ERGIC1: variants seen among roughly 807,000 people sequenced by gnomAD.
ERGIC1 encodes the protein endoplasmic reticulum-Golgi intermediate compartment protein 1.
A neutral mutation model predicts 38.3 loss-of-function variants in ERGIC1; 19 were observed. The observed-to-expected ratio is 0.50, with a 90% CI of 0.35 to 0.73. The LOEUF is 0.73. Ranked by LOEUF, ERGIC1 falls within the 30% of genes least tolerant of loss-of-function variation. The pLI is 0.01. For missense variants in ERGIC1, 294 were observed against 389.2 expected, an observed-to-expected ratio of 0.76 and a Z score of 2.06; for synonymous variants, 124 against 157.6, an observed-to-expected ratio of 0.79 and a Z score of 1.60.
chr5:172,908,953 C>G (rs1163538369), intron 3 of ERGIC1, among the ~76,000 whole-genome samples: 1 of 152,188 alleles, frequency 6.6e-6, no homozygotes, highest in Non-Finnish European at 1.5e-5. Flanking sequence ...GCGCCAGGCC[C>G]TGATCCCTTA....
rs754689688 is a variant in ERGIC1, at chr5:172,914,526, G to A, written c.251-188G>A. ...ACCCCTACTATGCACTGCCCCCCTC[G>A]CCTCACGTTTAGCGGAGTCATTGTC... On this transcript the variant is annotated intron_variant, in intron 4 of 9. Coordinates refer to ENST00000393784, the MANE Select transcript of ERGIC1 (RefSeq NM_001031711.3). 5.1e-5 allele frequency: 47 copies of A among 913,148 alleles called. No individual in the cohort carries two copies. In the South Asian group the frequency reaches 5.8e-4, roughly 11 times the overall value. 56.6% of individuals were successfully genotyped at this position (913,148 alleles called of 1,614,324 possible). A position where few individuals can be genotyped will look rare whatever the true frequency, so the allele number is the denominator to read the frequency against.
intron 3 of ERGIC1, among the ~76,000 whole-genome samples, chr5:172,907,426 C>T (rs1279527183): frequency 6.6e-6 from 1 of 152,088 alleles, no homozygotes; most frequent in African/African-American, 2.4e-5. Flanking sequence ...GGCATGGTGG[C>T]GCATGCCAGT....
At chr5:172,886,608 T>C (rs1425790719) in intron 1 of ERGIC1, among the ~76,000 whole-genome samples, 1 of 146,682 alleles carries the variant, frequency 6.8e-6, no homozygotes, top group Non-Finnish European at 1.5e-5. Flanking sequence ...CAAGCGTTAA[T>C]AATAATAGTA....
chr5:172,944,976 A>G (rs1764091194), intron 9 of ERGIC1, among the ~76,000 whole-genome samples: 1 of 152,260 alleles, frequency 6.6e-6, no homozygotes, highest in East Asian at 1.9e-4. Flanking sequence ...TTTCCTGAGT[A>G]GTCATTCATT....
rs758870064 is a variant in ERGIC1, at chr5:172,926,783, C to T, written c.541+214C>T. On this transcript the variant is annotated intron_variant, in intron 7 of 9. Transcript: ENST00000393784. The surrounding 1 kb of genome is among the most constrained non-coding windows in gnomAD (Gnocchi z 5.2). ...GATGGAGAAGGAAGAAGGCTTGTCC[C>T]GGGGCACAGCAGACGCACGCACGCA... The T allele has an allele frequency of 3.7e-5, 22 of 587,394 alleles. No individual in the cohort carries two copies. Among genetic ancestry groups the T allele is most frequent in the Middle Eastern group, 9.1e-4 (2 of 2,200 alleles). The allele number at this position is 587,394 out of a possible 1,614,324, so 36.4% of individuals were successfully genotyped here. A position where few individuals can be genotyped will look rare whatever the true frequency, so the allele number is the denominator to read the frequency against.
chr5:172,921,124 GA>G (rs1165774883), intron 5 of ERGIC1, among the ~76,000 whole-genome samples: 1 of 152,226 alleles, frequency 6.6e-6, no homozygotes, highest in African/African-American at 2.4e-5. Context: ...TCACCTCAAT[GA>G]ATCCTCCCAG....
rs986518050 is a variant in ERGIC1 at position 172,952,094 on chromosome 5, T to C, written c.*1278T>C. ...GAGGAGCAATGGTCCAGGCATTAAT[T>C]CCACCCAGGGAATTTTAGCTATGCC... On this transcript the variant is annotated 3_prime_UTR_variant, in exon 10 of 10. Coordinates refer to ENST00000393784, the MANE Select transcript of ERGIC1 (RefSeq NM_001031711.3). The C allele has an allele frequency of 6.6e-6, 1 of 152,226 alleles. No homozygotes were observed. The highest frequency in any genetic ancestry group is 6.5e-5 in the Admixed American group (1 of 15,284). 9.4% of individuals were successfully genotyped at this position (152,226 alleles called of 1,614,324 possible).
chr5:172,936,256 C>A (rs1763883591), intron 9 of ERGIC1: 1 of 152,228 alleles, frequency 6.6e-6, no homozygotes. Flanking sequence ...GAGTAGGTCT[C>A]TATCTTCGGA....
chr5:172,920,409 G>A (rs1240638987), intron 5 of ERGIC1: 1 of 717,674 alleles, frequency 1.4e-6, no homozygotes, highest in Non-Finnish European at 2.6e-6. Context: ...GTTTTGAGCA[G>A]CAGCGGCAGC....
chr5:172,869,484 C>T (rs1761951233), intron 1 of ERGIC1, among the ~76,000 whole-genome samples: 1 of 152,162 alleles, frequency 6.6e-6, no homozygotes, highest in Non-Finnish European at 1.5e-5. Flanking sequence ...CAGGCTCCCT[C>T]TGGCGCCAGA....
intron 3 of ERGIC1, among the ~76,000 whole-genome samples, chr5:172,906,739 G>A (rs1418423986): frequency 6.6e-6 from 1 of 152,112 alleles, no homozygotes; most frequent in African/African-American, 2.4e-5. Context: ...GACCCAAGGG[G>A]CCTAATAAAT....
chr5:172,909,078 A>T (rs1489836080), intron 3 of ERGIC1, among the ~76,000 whole-genome samples: 1 of 151,852 alleles, frequency 6.6e-6, no homozygotes, highest in Non-Finnish European at 1.5e-5. Flanking sequence ...CAGAACCAGA[A>T]TTTGAACTTG....
chr5:172,897,019 C>G lies in ERGIC1; in HGVS notation c.100C>G (p.Leu34Val), dbSNP rs755592795. The change falls in exon 3 of 10, where the codon CTC (leucine) becomes GTC (valine). Residue 34 changes from leucine to valine, a missense_variant. Around this residue, in one of 3 missense-constraint regions of ERGIC1, gnomAD observed 163 missense variants for 225.8 expected, o/e 0.72. Transcript: ENST00000393784. ...TCTTCCAGTCTCCATCTGCTGCTGCCTCTTCATCCTCTTCCTCTTCCTCTC... is the reference window on the plus strand; with the variant it reads ...TCTTCCAGTCTCCATCTGCTGCTGCGTCTTCATCCTCTTCCTCTTCCTCTC... ...TGAIISICCC[L>V]FILFLFLSEL... is the part of the protein sequence containing the mutation. 1 of 1,614,150 alleles carries G rather than the reference C, an allele frequency of 6.2e-7. No individual in the cohort carries two copies. The highest frequency in any genetic ancestry group is 8.5e-7 in the Non-Finnish European group (1 of 1,180,010).
chr5:172,894,574 C>G (rs1331529728), intron 2 of ERGIC1, among the ~76,000 whole-genome samples: 1 of 152,160 alleles, frequency 6.6e-6, no homozygotes, highest in Non-Finnish European at 1.5e-5. Flanking sequence ...ACTCAGTGAG[C>G]AGTCTGGGGA....
Position 172,838,949 on chromosome 5 carries a change from A to T in ERGIC1, c.20+4516A>T, listed in dbSNP as rs73323166. Among the ~76,000 whole-genome samples the T allele has an allele frequency of 3.5e-3, 531 of 152,280 alleles. 1 individual carries two copies. The highest frequency in any genetic ancestry group is 0.012 in the African/African-American group (498 of 41,554). On this transcript the variant is annotated intron_variant, in intron 1 of 9. Coordinates refer to ENST00000393784, the MANE Select transcript of ERGIC1 (RefSeq NM_001031711.3). ...GAACATATACTTTACAGCAAGTTTT[A>T]AAAAATATAAAATGAGCGCTGTGGC...
chr5:172,884,256 T>TG (rs60687174), intron 1 of ERGIC1, among the ~76,000 whole-genome samples: 46,991 of 135,460 alleles, frequency 0.35, 9,319 homozygotes, highest in Middle Eastern at 0.48. Context: ...TTTTTTTTTT[T>TG]TTTTTTTTTT....
In ERGIC1 at chr5:172,926,724, A is replaced by C. The variant is rs74837478; in HGVS notation, c.541+155A>C. ...TCCATTCCCACAGCTAACCAGTGGG[A>C]AGGTGGACCCAGCCCCGTCCAGACC... On this transcript the variant is annotated intron_variant, in intron 7 of 9. Transcript: ENST00000393784. This position sits in a 1 kb window ranked among gnomAD's most constrained non-coding sequence, Gnocchi z 5.2. The C allele has an allele frequency of 0.026, 20,515 of 801,210 alleles. 930 individuals carry two copies. The highest frequency in any genetic ancestry group is 0.13 in the East Asian group (4,786 of 37,664). 49.6% of individuals were successfully genotyped at this position (801,210 alleles called of 1,614,324 possible).
chr5:172,850,819 G>A (rs1695478607), intron 1 of ERGIC1, among the ~76,000 whole-genome samples: 1 of 152,106 alleles, frequency 6.6e-6, no homozygotes, highest in African/African-American at 2.4e-5. Flanking sequence ...GTTGAGTTTT[G>A]CCCACAAATG....
rs971283213 is a variant in ERGIC1 at position 172,837,911 on chromosome 5, G to C, written c.20+3478G>C. Reference sequence around the variant, plus strand: ...TTCTGCACACCAGCCCAGGGTGGGTGAGGAGGGAAGATAACAGCATCCGGA... The same window carrying C: ...TTCTGCACACCAGCCCAGGGTGGGTCAGGAGGGAAGATAACAGCATCCGGA... On this transcript the variant is annotated intron_variant, in intron 1 of 9. Transcript: ENST00000393784. The surrounding 1 kb of genome is among the most constrained non-coding windows in gnomAD (Gnocchi z 4.3). 2.0e-5 allele frequency among the ~76,000 whole-genome samples: 3 copies of C among 152,222 alleles called. No homozygotes were observed. Among genetic ancestry groups the C allele is most frequent in the Non-Finnish European group, 2.9e-5 (2 of 68,038 alleles).
Sources: allele counts gnomAD v4.1 joint callset (sites outside exome capture counted in the v4.1 genomes callset), GRCh38; gene constraint gnomAD v4.1.1; regional missense constraint gnomAD v4.1.1; non-coding constraint Gnocchi (gnomAD v3.1); transcripts MANE v1.5; gene names NCBI Gene and HGNC (gene_info 2026-07-23, HGNC 2026-07-21).